FRG1: variants seen among roughly 807,000 people sequenced by gnomAD.
FRG1 encodes the protein protein FRG1.
FRG1 carries 19 observed loss-of-function variants against 37.0 expected under a neutral mutation model. The observed-to-expected ratio is 0.51, with a 90% CI of 0.36 to 0.75. The LOEUF is 0.75. Ranked by LOEUF, FRG1 falls within the 30% of genes least tolerant of loss-of-function variation. FRG1 has a pLI of 0.00. For missense variants in FRG1, 243 were observed against 301.4 expected (o/e 0.81, Z 1.44); for synonymous variants, 73 against 96.5 (o/e 0.76, Z 1.43).
Position 189,941,053 on chromosome 4 carries a change from A to G in FRG1, c.44A>G (p.Lys15Arg), listed in dbSNP as rs1359266573. ...SYVKSTKLVLKGTKTKSKKKK... is the reference protein window; with the variant it reads ...SYVKSTKLVLRGTKTKSKKKK... Reference sequence around the variant, plus strand: ...GTGAAGTCTACCAAGCTCGTGCTCAAGGGAACCAAGACGAAGAGGTGGGTC... The same window carrying G: ...GTGAAGTCTACCAAGCTCGTGCTCAGGGGAACCAAGACGAAGAGGTGGGTC... Residue 15 changes from lysine to arginine, a missense_variant, in exon 1 of 9, where the codon AAG becomes AGG. This residue lies in a region of FRG1 where 110 missense variants were observed against 102.2 expected (regional missense o/e 1.08). Coordinates refer to ENST00000226798, the MANE Select transcript of FRG1 (RefSeq NM_004477.3). 2.5e-6 allele frequency: 4 copies of G among 1,614,112 alleles called. No homozygotes were observed. Among genetic ancestry groups the G allele is most frequent in the East Asian group, 2.2e-5 (1 of 44,870 alleles).
In FRG1 at chr4:189,953,085, C is replaced by G. The variant is rs767439317; in HGVS notation, c.277C>G (p.Pro93Ala). 2 of 1,586,332 alleles carry G rather than the reference C, an allele frequency of 1.3e-6. No homozygotes were observed. Among genetic ancestry groups the G allele is most frequent in the Non-Finnish European group, 1.7e-6 (2 of 1,168,338 alleles). The change falls in exon 4 of 9, where the codon CCT (proline) becomes GCT (alanine). Residue 93 changes from proline to alanine, a missense_variant. By Grantham distance (27) the Pro-to-Ala change is conservative (BLOSUM62 -1). This residue lies in a region of FRG1 where 133 missense variants were observed against 199.3 expected (regional missense o/e 0.67). Coordinates refer to ENST00000226798, the MANE Select transcript of FRG1 (RefSeq NM_004477.3). ...TCCAATAGTTGATGAGGGCCCTAGTCCTCCAGAGCAGTTTACGGCTGTCAA... is the reference window on the plus strand; with the variant it reads ...TCCAATAGTTGATGAGGGCCCTAGTGCTCCAGAGCAGTTTACGGCTGTCAA... ...PHKEVDEGPSPPEQFTAVKLS... is the reference protein window; with the variant it reads ...PHKEVDEGPSAPEQFTAVKLS...
At chr4:189,955,286 A>T (rs1736936117) in intron 5 of FRG1, 135 bp downstream of exon 5, 1 of 599,036 alleles carries the variant, frequency 1.7e-6, no homozygotes, top group South Asian at 2.2e-5. Context: ...AATCAATAAG[A>T]ACATAGAGCC....
In FRG1 at chr4:189,961,912, G is replaced by A; in HGVS notation, c.720G>A (p.Leu240=). ...ILKKARKDGF[L]HETLLDRRAK... ...AAAAGGCTCGGAAAGATGGATTTTT[G>A]CATGAGACGCTTCTGGACAGGTAGC... The change falls in exon 8 of 9, where the codon TTG becomes TTA. Residue 240 remains leucine, a synonymous_variant. Coordinates refer to ENST00000226798, the MANE Select transcript of FRG1 (RefSeq NM_004477.3). 2 of 1,579,718 alleles carry A rather than the reference G, an allele frequency of 1.3e-6. No homozygotes were observed. Among genetic ancestry groups the A allele is most frequent in the South Asian group, 1.2e-5 (1 of 86,290 alleles).
At chr4:189,941,344 C>T (rs1343888361) in intron 1 of FRG1, among the ~76,000 whole-genome samples, 2 of 152,238 alleles carry the variant, frequency 1.3e-5, no homozygotes, top group Non-Finnish European at 2.9e-5. Flanking sequence ...TGAGGCATCT[C>T]TCCAGGCCTC....
intron 2 of FRG1, among the ~76,000 whole-genome samples, chr4:189,945,684 G>T (rs1218880589): frequency 6.6e-6 from 1 of 151,878 alleles, no homozygotes; most frequent in Non-Finnish European, 1.5e-5. Context: ...TTTCTATATT[G>T]GTGTTGATGG....
At chr4:189,943,892 T>C (rs1210373703) in intron 2 of FRG1, among the ~76,000 whole-genome samples, 3 of 152,328 alleles carry the variant, frequency 2.0e-5, no homozygotes, top group African/African-American at 7.2e-5. Flanking sequence ...ATAAAGCTAA[T>C]GTTCTGGAAG....
intron 5 of FRG1, among the ~76,000 whole-genome samples, chr4:189,955,794 C>G: frequency 6.6e-6 from 1 of 152,050 alleles, no homozygotes; most frequent in Non-Finnish European, 1.5e-5. Flanking sequence ...TATGTGAGTG[C>G]TAAACAGTCT....
rs868170023 is a variant in FRG1 at position 189,952,780 on chromosome 4, A to G, written c.260-288A>G. On this transcript the variant is annotated intron_variant, in intron 3 of 8. Coordinates refer to ENST00000226798, the MANE Select transcript of FRG1 (RefSeq NM_004477.3). ...GTGAAAGCATTTAGCTTTTTAAATA[A>G]GTGCTTATTTATGACTGTATTTTAA... Among the ~76,000 whole-genome samples, 9 of 152,342 alleles carry G rather than the reference A, an allele frequency of 5.9e-5. No individual in the cohort carries two copies. In the South Asian group the frequency reaches 1.9e-3, roughly 32 times the overall value.
intron 3 of FRG1, among the ~76,000 whole-genome samples, chr4:189,952,845 A>C (rs1736816733): frequency 6.6e-6 from 1 of 152,282 alleles, no homozygotes; most frequent in African/African-American, 2.4e-5. Context: ...TTAAATAAGC[A>C]TTATATCACC....
At chr4:189,942,696 T>C (rs1250653457) in intron 1 of FRG1, among the ~76,000 whole-genome samples, 1 of 152,202 alleles carries the variant, frequency 6.6e-6, no homozygotes, top group African/African-American at 2.4e-5. Context: ...GGGTGTATGT[T>C]TTCATTTCCC....
At chr4:189,946,392 C>T (rs1425747292) in intron 2 of FRG1, among the ~76,000 whole-genome samples, 2 of 151,194 alleles carry the variant, frequency 1.3e-5, no homozygotes, top group African/African-American at 4.8e-5. Context: ...TCACAGCTGG[C>T]CTGGGCCACA....
chr4:189,954,010 T>C (rs62345281), intron 4 of FRG1, among the ~76,000 whole-genome samples: 1 of 149,794 alleles, frequency 6.7e-6, no homozygotes, highest in African/African-American at 2.5e-5. Context: ...ATAGCACTGA[T>C]GACCCCAGTA....
intron 2 of FRG1, among the ~76,000 whole-genome samples, chr4:189,950,540 A>G (rs1736709677): frequency 6.6e-6 from 1 of 152,120 alleles, no homozygotes; most frequent in Non-Finnish European, 1.5e-5. Context: ...TACTTTTTGT[A>G]TTTGGCATTA....
chr4:189,957,037 G>A (rs12508558), intron 5 of FRG1, among the ~76,000 whole-genome samples: 4,838 of 152,128 alleles, frequency 0.032, 202 homozygotes, highest in East Asian at 0.11. Flanking sequence ...GCTAATATTT[G>A]AATAAAGTAT....
At chr4:189,949,027 C>T (rs375452794) in intron 2 of FRG1, among the ~76,000 whole-genome samples, 1 of 151,582 alleles carries the variant, frequency 6.6e-6, no homozygotes, top group African/African-American at 2.4e-5. Context: ...AAAGCTTTCT[C>T]ATGCATTGTG....
In FRG1 at chr4:189,963,134, G is replaced by A. The variant is rs1452272654; in HGVS notation, c.*5G>A. 1.2e-6 allele frequency: 2 copies of A among 1,610,992 alleles called. No individual in the cohort carries two copies. The highest frequency in any genetic ancestry group is 1.7e-5 in the Admixed American group (1 of 59,768). ...GCCGACAGATACTGCAAGTGACTGG[G>A]ATTTTTGTTTCTGCCTTATCTTTCT... On this transcript the variant is annotated 3_prime_UTR_variant, in exon 9 of 9. Coordinates refer to ENST00000226798, the MANE Select transcript of FRG1 (RefSeq NM_004477.3).
intron 4 of FRG1, among the ~76,000 whole-genome samples, chr4:189,953,855 A>G (rs1736866915): frequency 7.7e-6 from 1 of 129,730 alleles, no homozygotes; most frequent in Admixed American, 7.6e-5. Context: ...GCAGAGGAAG[A>G]AAAAATTCAA....
At position 189,961,812 on chromosome 4, in the gene FRG1, T is replaced by A. The variant is rs1194314410; in HGVS notation, c.630-10T>A. On this transcript the variant is annotated splice_polypyrimidine_tract_variant and intron_variant, in intron 7 of 8. Coordinates refer to ENST00000226798, the MANE Select transcript of FRG1 (RefSeq NM_004477.3). ...TGAGGTATTTTTCAATGAAGACATT[T>A]TCTTTACAGAAAGAAATTTCAGAGC... The A allele has an allele frequency of 8.3e-7, 1 of 1,201,436 alleles. No individual in the cohort carries two copies. The highest frequency in any genetic ancestry group is 1.3e-5 in the South Asian group (1 of 74,338). The allele number at this position is 1,201,436 out of a possible 1,614,324, so 74.4% of individuals were successfully genotyped here. A position where few individuals can be genotyped will look rare whatever the true frequency, so the allele number is the denominator to read the frequency against.
chr4:189,953,262 A>C, intron 4 of FRG1, 137 bp downstream of exon 4: 1 of 1,329,650 alleles, frequency 7.5e-7, no homozygotes, highest in Non-Finnish European at 9.8e-7. Flanking sequence ...TGAAAAGTAG[A>C]TTTTGTGATC....
Sources: gnomAD v4.1 joint callset for allele counts (sites outside exome capture counted in the v4.1 genomes callset) on GRCh38, gnomAD v4.1.1 for gene constraint, gnomAD v4.1.1 regional missense constraint, MANE v1.5 for transcripts, NCBI Gene and HGNC (gene_info 2026-07-23, HGNC 2026-07-21) for gene names.